Variants in GBE1 observed in about 807,000 individuals in gnomAD.
GBE1 encodes the protein 1,4-alpha-glucan branching enzyme 1, also known as 1,4-alpha-glucan-branching enzyme.
In GBE1, 70 loss-of-function variants were observed where a neutral mutation model predicts 88.8. The ratio of observed to expected loss-of-function variants is 0.79; its 90% CI spans 0.65 to 0.96. The LOEUF (loss-of-function observed/expected upper bound fraction) is 0.96. Among genes scored for constraint, GBE1 ranks in the 40% least tolerant of loss-of-function variants. GBE1 has a pLI of 0.00. For missense variants in GBE1, 872 were observed against 871.0 expected, an observed-to-expected ratio of 1.00 and a Z score of -0.01; for synonymous variants, 284 against 300.1, an observed-to-expected ratio of 0.95 and a Z score of 0.56.
chr3:81,680,847 A>G (rs553073282), intron 2 of GBE1, among the ~76,000 whole-genome samples: 2 of 152,350 alleles, frequency 1.3e-5, no homozygotes, highest in South Asian at 4.1e-4. Context: ...TGAGAAGACA[A>G]CAGTTTGCAA....
chr3:81,509,475 T>A (rs1197502016), intron 14 of GBE1: 1 of 151,916 alleles, frequency 6.6e-6, no homozygotes, highest in Non-Finnish European at 1.5e-5. Flanking sequence ...ATTATTACAT[T>A]TTTGCTTCTC....
At chr3:81,651,972 T>A (rs1704857562) in intron 3 of GBE1, among the ~76,000 whole-genome samples, 1 of 152,194 alleles carries the variant, frequency 6.6e-6, no homozygotes, top group South Asian at 2.1e-4. Flanking sequence ...AAAGGAACAA[T>A]ACCTGCATGG....
intron 7 of GBE1, chr3:81,612,938 A>AGATGAT (rs557295711): frequency 2.6e-6 from 1 of 391,804 alleles, no homozygotes; most frequent in Non-Finnish European, 4.8e-6. Context: ...AAGGAGAAAA[A>AGATGAT]GATGATGATG....
intron 3 of GBE1, among the ~76,000 whole-genome samples, chr3:81,653,495 A>T (rs1021170128): frequency 1.3e-5 from 2 of 152,072 alleles, no homozygotes; most frequent in African/African-American, 4.8e-5. Context: ...ACAAAAAAAA[A>T]ATAAAGCTAA....
At chr3:81,642,740 A>T in intron 7 of GBE1, 41 bp downstream of exon 7, 1 of 1,254,428 alleles carries the variant, frequency 8.0e-7, no homozygotes, top group South Asian at 1.2e-5. Context: ...TTAATGTTAA[A>T]CAGCAACAAT....
intron 14 of GBE1, among the ~76,000 whole-genome samples, chr3:81,534,440 G>A (rs1449541668): frequency 6.6e-6 from 1 of 151,932 alleles, no homozygotes; most frequent in Non-Finnish European, 1.5e-5. Context: ...AAGGTGTTCA[G>A]TAAATAGGTA....
At chr3:81,546,668 A>T (rs1010719942) in intron 12 of GBE1, among the ~76,000 whole-genome samples, 2 of 151,560 alleles carry the variant, frequency 1.3e-5, no homozygotes, top group African/African-American at 4.8e-5. Context: ...CCATGGCAAC[A>T]TCAGGAAGTT....
chr3:81,607,902 T>C (rs1003368950), intron 7 of GBE1, among the ~76,000 whole-genome samples: 1 of 152,188 alleles, frequency 6.6e-6, no homozygotes, highest in African/African-American at 2.4e-5. Flanking sequence ...TTTGTTATTA[T>C]TTTCTAAATT....
intron 1 of GBE1, among the ~76,000 whole-genome samples, chr3:81,754,903 G>A (rs1015218136): frequency 3.3e-5 from 5 of 152,020 alleles, no homozygotes; most frequent in African/African-American, 1.2e-4. Flanking sequence ...AATGCTCCAG[G>A]GCACTGGTCT....
intron 1 of GBE1, among the ~76,000 whole-genome samples, chr3:81,729,029 TGCTA>T: frequency 6.6e-6 from 1 of 152,246 alleles, no homozygotes; most frequent in East Asian, 1.9e-4. Context: ...GCTTACTAGG[TGCTA>T]GCAGAGATTA....
At chr3:81,738,717 A>T (rs1706308814) in intron 1 of GBE1, among the ~76,000 whole-genome samples, 1 of 152,168 alleles carries the variant, frequency 6.6e-6, no homozygotes, top group South Asian at 2.1e-4. Context: ...TTTACAGAGC[A>T]CGTACTTCTT....
chr3:81,571,298 G>A (rs1266123407), intron 12 of GBE1, among the ~76,000 whole-genome samples: 1 of 152,176 alleles, frequency 6.6e-6, no homozygotes, highest in Non-Finnish European at 1.5e-5. Flanking sequence ...AGGAATGAAT[G>A]AGCAAACAAA....
At chr3:81,525,556 T>C (rs1702932115) in intron 14 of GBE1, among the ~76,000 whole-genome samples, 1 of 152,148 alleles carries the variant, frequency 6.6e-6, no homozygotes, top group Non-Finnish European at 1.5e-5. Context: ...TAAAATGAGT[T>C]AGGGAGGATT....
rs1705761953 is a variant in GBE1, at chr3:81,705,559, A to G, written c.198T>C (p.Ile66=). 1 of 1,588,466 alleles carries G rather than the reference A, an allele frequency of 6.3e-7. No homozygotes were observed. Among genetic ancestry groups the G allele is most frequent in the Non-Finnish European group, 8.6e-7 (1 of 1,166,232 alleles). The change falls in exon 2 of 16, where the codon ATT becomes ATC. Residue 66 remains isoleucine, a synonymous_variant. Transcript: ENST00000429644. ...LKNIGENEGG[I]DKFSRGYESF... ...ATTCATAGCCTCTGGAAAACTTATCAATACCACCTTCATTTTCTCCAATGT... is the reference window on the plus strand; with the variant it reads ...ATTCATAGCCTCTGGAAAACTTATCGATACCACCTTCATTTTCTCCAATGT...
chr3:81,547,007 G>A (rs984553153), intron 12 of GBE1, among the ~76,000 whole-genome samples: 2 of 151,176 alleles, frequency 1.3e-5, no homozygotes, highest in African/African-American at 2.4e-5. Context: ...GTAAGTGCTG[G>A]GGTCCAGTAA....
At chr3:81,603,205 C>T (rs1704056674) in intron 7 of GBE1, among the ~76,000 whole-genome samples, 2 of 151,942 alleles carry the variant, frequency 1.3e-5, no homozygotes, top group Admixed American at 6.6e-5. Flanking sequence ...CTAGGAATTG[C>T]TTATAATTCA....
At chr3:81,520,405 A>G (rs1702857416) in intron 14 of GBE1, among the ~76,000 whole-genome samples, 1 of 151,570 alleles carries the variant, frequency 6.6e-6, no homozygotes, top group African/African-American at 2.4e-5. Flanking sequence ...GGCCCACAAA[A>G]GAGGGGCCCT....
intron 2 of GBE1, among the ~76,000 whole-genome samples, chr3:81,671,984 A>G (rs1705196915): frequency 6.6e-6 from 1 of 152,044 alleles, no homozygotes; most frequent in African/African-American, 2.4e-5. Context: ...AATCAAGAGA[A>G]AAATTGATAA....
At chr3:81,651,578 C>T (rs1204084414) in intron 3 of GBE1, among the ~76,000 whole-genome samples, 1 of 152,012 alleles carries the variant, frequency 6.6e-6, no homozygotes, top group East Asian at 1.9e-4. Flanking sequence ...AAAAAAAACT[C>T]CCTTAAGCTA....
Sources: gnomAD v4.1 joint callset for allele counts (sites outside exome capture counted in the v4.1 genomes callset) on GRCh38, gnomAD v4.1.1 for gene constraint, MANE v1.5 for transcripts, NCBI Gene and HGNC (gene_info 2026-07-23, HGNC 2026-07-21) for gene names.